Variants in ECT2L observed in about 807,000 individuals in gnomAD.
The protein encoded by ECT2L is epithelial cell-transforming sequence 2 oncogene-like.
ECT2L carries 126 observed loss-of-function variants against 122.8 expected under a neutral mutation model. That is an observed-to-expected ratio of 1.03 (90% CI 0.89 to 1.19). The LOEUF is 1.19. Ranked by LOEUF, ECT2L falls within the 50% of genes most tolerant of loss-of-function variation. The pLI is 0.00. For missense variants in ECT2L, 1,012 were observed against 1,064.1 expected (o/e 0.95, Z 0.68); for synonymous variants, 385 against 381.8 (o/e 1.01, Z -0.10).
chr6:138,822,259 A>T (rs899623449), intron 4 of ECT2L, among the ~76,000 whole-genome samples: 7 of 152,248 alleles, frequency 4.6e-5, no homozygotes, highest in African/African-American at 1.7e-4. Context: ...CAGACATTAC[A>T]TGGGGAAGGA....
At chr6:138,812,292 C>G (rs1349465892) in intron 1 of ECT2L, among the ~76,000 whole-genome samples, 1 of 152,136 alleles carries the variant, frequency 6.6e-6, no homozygotes, top group African/African-American at 2.4e-5. Context: ...GTTATGGCAG[C>G]CCAGTTAGAC....
intron 20 of ECT2L, among the ~76,000 whole-genome samples, chr6:138,894,850 A>G (rs61344992): frequency 0.088 from 13,402 of 152,222 alleles, 1,237 homozygotes; most frequent in African/African-American, 0.23. Context: ...GCTTAGCCCA[A>G]ATAAACTCTA....
At position 138,876,423 on chromosome 6, in the gene ECT2L, G is replaced by C; in HGVS notation, c.1579-49G>C. 4 of 1,362,078 alleles carry C rather than the reference G, an allele frequency of 2.9e-6. No homozygotes were observed. The South Asian group carries it at 3.6e-5, about 12-fold the overall frequency. 84.4% of individuals were successfully genotyped at this position (1,362,078 alleles called of 1,614,324 possible). A position where few individuals can be genotyped will look rare whatever the true frequency, so the allele number is the denominator to read the frequency against. On this transcript the variant is annotated intron_variant, in intron 13 of 21. Transcript: ENST00000541398. ...CTGCGGGCACAGTACTGAGTTTTCA[G>C]AGATGTCAAGACCTGCCTCCAATAA...
At chr6:138,833,496 C>A (rs1224174398) in intron 4 of ECT2L, among the ~76,000 whole-genome samples, 1 of 152,152 alleles carries the variant, frequency 6.6e-6, no homozygotes, top group African/African-American at 2.4e-5. Flanking sequence ...CCTTTTCATG[C>A]AACTCAGGAG....
chr6:138,900,331 C>T (rs1779356890), intron 20 of ECT2L, among the ~76,000 whole-genome samples: 1 of 152,092 alleles, frequency 6.6e-6, no homozygotes, highest in Admixed American at 6.5e-5. Context: ...ATTCCAATCT[C>T]TGACTCCCAG....
intron 4 of ECT2L, among the ~76,000 whole-genome samples, chr6:138,827,569 T>A (rs955077637): frequency 6.6e-6 from 1 of 152,106 alleles, no homozygotes; most frequent in Non-Finnish European, 1.5e-5. Context: ...TGTTTTGTTG[T>A]TTTTTGAGAT....
intron 4 of ECT2L, among the ~76,000 whole-genome samples, chr6:138,826,589 C>A (rs1471209870): frequency 6.6e-6 from 1 of 151,950 alleles, no homozygotes; most frequent in African/African-American, 2.4e-5. Flanking sequence ...ACCTCTTGAA[C>A]CCAGGAGGCA....
rs1333199311 is a variant in ECT2L, at chr6:138,849,612, A to G, written c.1069+178A>G. On this transcript the variant is annotated intron_variant, in intron 9 of 21. Coordinates refer to ENST00000541398, the MANE Select transcript of ECT2L (RefSeq NM_001077706.3). ...TTTTAATTCAGGGTCTCTGTCACCC[A>G]GGTTGGAGTGCACTGGTGTGATCAC... Among the ~76,000 whole-genome samples, 3 of 147,562 alleles carry G rather than the reference A, an allele frequency of 2.0e-5. No individual in the cohort carries two copies. The East Asian group carries it at 6.0e-4, about 29-fold the overall frequency.
chr6:138,806,820 G>T (rs1375496744), intron 1 of ECT2L, among the ~76,000 whole-genome samples: 2 of 151,614 alleles, frequency 1.3e-5, no homozygotes, highest in Admixed American at 1.3e-4. Flanking sequence ...GCCACGCATA[G>T]CTTTTGACCT....
chr6:138,810,447 G>A (rs906517649), intron 1 of ECT2L, among the ~76,000 whole-genome samples: 2 of 152,174 alleles, frequency 1.3e-5, no homozygotes, highest in Non-Finnish European at 2.9e-5. Flanking sequence ...TTCTAAGGAA[G>A]CCTGATACGC....
rs764931425 is a variant in ECT2L, at chr6:138,865,060, G to A, written c.1356G>A (p.Ser452=). 1.6e-5 allele frequency: 26 copies of A among 1,614,030 alleles called. No individual in the cohort carries two copies. Among genetic ancestry groups the A allele is most frequent in the South Asian group, 5.5e-5 (5 of 91,064 alleles). ...CCTCTTCCATCTACTTCTGCGAATCGAAGCTACAGACGTGGTCCAGCTTCA... is the reference window on the plus strand; with the variant it reads ...CCTCTTCCATCTACTTCTGCGAATCAAAGCTACAGACGTGGTCCAGCTTCA... The part of the protein sequence containing the change: ...KAPSSIYFCE[S]KLQTWSSFTD... Residue 452 remains serine (S), a synonymous_variant, in exon 12 of 22, where the codon TCG becomes TCA. Coordinates refer to ENST00000541398, the MANE Select transcript of ECT2L (RefSeq NM_001077706.3).
intron 1 of ECT2L, among the ~76,000 whole-genome samples, chr6:138,797,349 A>G (rs913073228): frequency 3.3e-5 from 5 of 152,178 alleles, no homozygotes; most frequent in Non-Finnish European, 7.3e-5. Flanking sequence ...TAAATTTTTG[A>G]TAAATAAAGG....
At chr6:138,896,705 T>TGC (rs1302389631) in intron 20 of ECT2L, among the ~76,000 whole-genome samples, 10 of 152,286 alleles carry the variant, frequency 6.6e-5, no homozygotes, top group Middle Eastern at 3.4e-3. Flanking sequence ...TGGAGTGCAA[T>TGC]GGCGTGATCT....
intron 5 of ECT2L, among the ~76,000 whole-genome samples, chr6:138,839,726 A>G (rs550024446): frequency 5.3e-5 from 8 of 151,916 alleles, no homozygotes; most frequent in Admixed American, 2.6e-4. Context: ...TTTACTATTT[A>G]TTTTTTGTTT....
rs368139732 is a variant in ECT2L at position 138,815,394 on chromosome 6, A to G, written c.179+791A>G. ...ATGTGTGGACTGACCGAAATATTCT[A>G]GAGAGCCCTCCAGCTTGCCTGGGTG... On this transcript the variant is annotated intron_variant, in intron 4 of 21. Coordinates refer to ENST00000541398, the MANE Select transcript of ECT2L (RefSeq NM_001077706.3). 5.3e-5 allele frequency among the ~76,000 whole-genome samples: 8 copies of G among 152,354 alleles called. No individual in the cohort carries two copies. The East Asian group carries it at 1.5e-3, about 29-fold the overall frequency.
chr6:138,803,317 TACACACACACACAC>T (rs4052918), intron 1 of ECT2L, among the ~76,000 whole-genome samples: 1 of 148,492 alleles, frequency 6.7e-6, no homozygotes, highest in African/African-American at 2.5e-5. Flanking sequence ...TATATGCATG[TACACACACACACAC>T]ACACACACAC....
chr6:138,870,759 A>G (rs1174275122), intron 13 of ECT2L, among the ~76,000 whole-genome samples: 2 of 152,198 alleles, frequency 1.3e-5, no homozygotes, highest in Non-Finnish European at 2.9e-5. Flanking sequence ...TTGCAATCCC[A>G]GCACTTTGGG....
intron 20 of ECT2L, among the ~76,000 whole-genome samples, chr6:138,897,320 T>C (rs1013335257): frequency 6.6e-6 from 1 of 152,010 alleles, no homozygotes; most frequent in African/African-American, 2.4e-5. Context: ...TGGAAAACAT[T>C]AAAAAATAAA....
At chr6:138,896,915 G>A (rs554353885) in intron 20 of ECT2L, among the ~76,000 whole-genome samples, 1 of 151,952 alleles carries the variant, frequency 6.6e-6, no homozygotes, top group Non-Finnish European at 1.5e-5. Flanking sequence ...CAAAGTGCTG[G>A]GATTACAGGT....
Sources: gnomAD v4.1 joint callset for allele counts (sites outside exome capture counted in the v4.1 genomes callset) on GRCh38, gnomAD v4.1.1 for gene constraint, MANE v1.5 for transcripts, NCBI Gene and HGNC (gene_info 2026-07-23, HGNC 2026-07-21) for gene names.